The following FAM135A variants were observed in gnomAD, a reference collection of about 807,000 sequenced individuals.
FAM135A encodes the protein family with sequence similarity 135 member A, also known as protein FAM135A.
In FAM135A, 79 loss-of-function variants were observed where a neutral mutation model predicts 146.8. The ratio of observed to expected loss-of-function variants is 0.54; its 90% CI spans 0.45 to 0.65. The LOEUF (loss-of-function observed/expected upper bound fraction) is 0.65. Ranked by LOEUF, FAM135A falls within the 30% of genes least tolerant of loss-of-function variation. The pLI, the probability that FAM135A is intolerant of heterozygous loss-of-function variation, is 0.00. For missense variants in FAM135A, 1,623 were observed against 1,758.2 expected, an observed-to-expected ratio of 0.92 and a Z score of 1.38; for synonymous variants, 562 against 603.6, an observed-to-expected ratio of 0.93 and a Z score of 1.01.
At chr6:70,499,458 T>C (rs1324255803) in intron 11 of FAM135A, among the ~76,000 whole-genome samples, 2 of 152,244 alleles carry the variant, frequency 1.3e-5, no homozygotes, top group African/African-American at 2.4e-5. Context: ...GTGTTTTTAA[T>C]TGGGGCATTT....
At chr6:70,502,977 C>T (rs922772832) in intron 12 of FAM135A, 186 bp downstream of exon 12, 66 of 514,008 alleles carry the variant, frequency 1.3e-4, no homozygotes, top group Non-Finnish European at 1.1e-4. Flanking sequence ...AAGCATATGA[C>T]CTATTTCAAT....
At chr6:70,497,106 A>G (rs1787460166) in intron 11 of FAM135A, among the ~76,000 whole-genome samples, 1 of 152,140 alleles carries the variant, frequency 6.6e-6, no homozygotes, top group African/African-American at 2.4e-5. Context: ...CAGTATAGAT[A>G]GAATATTGAT....
Position 70,450,063 on chromosome 6 carries a change from G to T in FAM135A, c.78-2429G>T, listed in dbSNP as rs1210899478. Among the ~76,000 whole-genome samples, 3 of 152,128 alleles carry T rather than the reference G, an allele frequency of 2.0e-5. No homozygotes were observed. In the East Asian group the frequency reaches 5.8e-4, roughly 29 times the overall value. ...TAGCCATTCGTATGTCTTCTTTTGAGAAATGTTTATTCATGCACTTTGCCC... is the reference window on the plus strand; with the variant it reads ...TAGCCATTCGTATGTCTTCTTTTGATAAATGTTTATTCATGCACTTTGCCC... On this transcript the variant is annotated intron_variant, in intron 4 of 21. Transcript: ENST00000418814.
intron 12 of FAM135A, among the ~76,000 whole-genome samples, chr6:70,521,911 C>CT (rs1423026033): frequency 2.6e-5 from 4 of 151,792 alleles, no homozygotes; most frequent in Non-Finnish European, 4.4e-5. Context: ...ATAGCTTTGC[C>CT]TTTTTTTTGT....
chr6:70,527,158 A>C (rs1794922210), intron 15 of FAM135A, among the ~76,000 whole-genome samples: 2 of 152,086 alleles, frequency 1.3e-5, no homozygotes, highest in African/African-American at 4.8e-5. Context: ...AATGAGTAAC[A>C]GGGTAGTGGA....
chr6:70,530,754 A>G (rs1795647874), intron 16 of FAM135A, among the ~76,000 whole-genome samples: 1 of 151,886 alleles, frequency 6.6e-6, no homozygotes, highest in Non-Finnish European at 1.5e-5. Flanking sequence ...CTCCATCTCA[A>G]ACAAACAAAC....
intron 4 of FAM135A, among the ~76,000 whole-genome samples, chr6:70,448,295 C>A (rs1048051474): frequency 7.5e-4 from 114 of 152,282 alleles, no homozygotes; most frequent in African/African-American, 2.6e-3. Context: ...GCAAACAAAC[C>A]TGCTCTGTAA....
In FAM135A at chr6:70,473,608, A is replaced by T. The variant is rs1782032335; in HGVS notation, c.158-1802A>T. ...TTTCCTTATTTGATCAGTCCCTTAT[A>T]TGTGCCAATCTCCTGTCACTGCTTC... is the stretch of plus-strand genomic sequence containing the variant. On this transcript the variant is annotated intron_variant, in intron 5 of 21. Transcript: ENST00000418814. Among the ~76,000 whole-genome samples, 3 of 152,018 alleles carry T rather than the reference A, an allele frequency of 2.0e-5. No homozygotes were observed. In the South Asian group the frequency reaches 6.2e-4, roughly 32 times the overall value.
chr6:70,447,069 A>G (rs994548899), intron 4 of FAM135A, among the ~76,000 whole-genome samples: 1 of 152,186 alleles, frequency 6.6e-6, no homozygotes, highest in Non-Finnish European at 1.5e-5. Flanking sequence ...AACTCCAACT[A>G]TGTTAAATTG....
chr6:70,442,886 G>C (rs1161981034), intron 4 of FAM135A, among the ~76,000 whole-genome samples: 1 of 152,092 alleles, frequency 6.6e-6, no homozygotes, highest in Non-Finnish European at 1.5e-5. Flanking sequence ...TTACACCATT[G>C]TATAGTTGTA....
intron 5 of FAM135A, among the ~76,000 whole-genome samples, chr6:70,471,889 A>T (rs1162992682): frequency 6.6e-6 from 1 of 152,196 alleles, no homozygotes; most frequent in Non-Finnish European, 1.5e-5. Context: ...GATTAGGTTT[A>T]CCTACATAGC....
At chr6:70,500,628 A>C (rs1788275952) in intron 11 of FAM135A, among the ~76,000 whole-genome samples, 1 of 152,122 alleles carries the variant, frequency 6.6e-6, no homozygotes, top group Non-Finnish European at 1.5e-5. Context: ...ATCTACCTTT[A>C]ATCTTTGAGG....
Position 70,533,838 on chromosome 6 carries a change from A to T in FAM135A, c.3949A>T (p.Thr1317Ser). Residue 1317 changes from threonine to serine, a missense_variant, in exon 18 of 22, where the codon ACA becomes TCA. By Grantham distance (58) the Thr-to-Ser change is moderately conservative. Transcript: ENST00000418814. The stretch of plus-strand genomic sequence containing the variant: ...ACAGTATATTCAGATATATAGTCTA[A>T]CAGTCTCAAAAATAAGGTATCTTCT... ...IIQYIQIYSL[T>S]VSKISFIGHS... The T allele has an allele frequency of 6.6e-7, 1 of 1,506,896 alleles. No homozygotes were observed. The highest frequency in any genetic ancestry group is 1.3e-5 in the South Asian group (1 of 75,868). The allele number at this position is 1,506,896 out of a possible 1,614,324, so 93.3% of individuals were successfully genotyped here. A position where few individuals can be genotyped will look rare whatever the true frequency, so the allele number is the denominator to read the frequency against.
At chr6:70,556,956 C>A in intron 21 of FAM135A, 93 bp downstream of exon 21, 2 of 845,176 alleles carry the variant, frequency 2.4e-6, no homozygotes, top group Non-Finnish European at 3.9e-6. Context: ...ATCTGTCACC[C>A]TTCTCTTTCC....
chr6:70,447,457 G>A (rs184852590), intron 4 of FAM135A, among the ~76,000 whole-genome samples: 1 of 152,302 alleles, frequency 6.6e-6, no homozygotes, highest in East Asian at 1.9e-4. Context: ...CTGCCTAGAA[G>A]TAATCCTGTC....
In FAM135A at chr6:70,491,036, G is replaced by A. The variant is rs1236563050; in HGVS notation, c.826G>A (p.Glu276Lys). 1.9e-6 allele frequency: 3 copies of A among 1,597,554 alleles called. No individual in the cohort carries two copies. Among genetic ancestry groups the A allele is most frequent in the South Asian group, 1.1e-5 (1 of 87,814 alleles). The stretch of plus-strand genomic sequence containing the variant: ...CCTCTACTCTTTACTCCTTCCAGAG[G>A]AAATGGATGTAGAAGCTCGACTTAC... ...IPSCQKLELE[E>K]MDVEARLTEL... is the part of the protein sequence containing the mutation. The change falls in exon 11 of 22, where the codon GAA becomes AAA. Residue 276 changes from glutamate to lysine, a missense_variant and splice_region_variant. This residue lies in a region of FAM135A where 206 missense variants were observed against 194.7 expected (regional missense o/e 1.06). Transcript: ENST00000418814.
chr6:70,496,730 A>C (rs1490035814), intron 11 of FAM135A, among the ~76,000 whole-genome samples: 1 of 151,564 alleles, frequency 6.6e-6, no homozygotes, highest in Non-Finnish European at 1.5e-5. Context: ...ATGGCTAGCC[A>C]GTTTTCCCAG....
chr6:70,434,675 T>C (rs897252961), intron 4 of FAM135A, among the ~76,000 whole-genome samples: 1 of 152,228 alleles, frequency 6.6e-6, no homozygotes, highest in Non-Finnish European at 1.5e-5. Context: ...TTTCATTCAT[T>C]TTGAAAAGCG....
At chr6:70,494,848 G>T (rs1389631696) in intron 11 of FAM135A, among the ~76,000 whole-genome samples, 1 of 152,022 alleles carries the variant, frequency 6.6e-6, no homozygotes, top group Non-Finnish European at 1.5e-5. Flanking sequence ...TATTAGCCTG[G>T]GTTAAAGGCC....
Sources: gnomAD v4.1 joint callset for allele counts (sites outside exome capture counted in the v4.1 genomes callset) on GRCh38, gnomAD v4.1.1 for gene constraint, gnomAD v4.1.1 regional missense constraint, MANE v1.5 for transcripts, NCBI Gene and HGNC (gene_info 2026-07-23, HGNC 2026-07-21) for gene names.